DISC1: variants seen among roughly 807,000 people sequenced by gnomAD.
The protein encoded by DISC1 is DISC1 scaffold protein.
A neutral mutation model predicts 84.5 loss-of-function variants in DISC1; 57 were observed. The ratio of observed to expected loss-of-function variants is 0.67; its 90% CI spans 0.55 to 0.84. The LOEUF is 0.84. Ranked by LOEUF, DISC1 falls within the 40% of genes least tolerant of loss-of-function variation. The pLI, the probability that DISC1 is intolerant of heterozygous loss-of-function variation, is 0.00. For synonymous variants in DISC1, 411 were observed against 415.2 expected (o/e 0.99, Z 0.12); for missense variants, 1,000 against 1,057.8 (o/e 0.95, Z 0.76).
At chr1:231,785,110 A>G (rs1349861635) in intron 6 of DISC1, among the ~76,000 whole-genome samples, 1 of 152,120 alleles carries the variant, frequency 6.6e-6, no homozygotes, top group Non-Finnish European at 1.5e-5. Flanking sequence ...GTAGATAAAC[A>G]TGAATTTCCT....
chr1:231,643,531 G>T (rs953368203), intron 1 of DISC1, among the ~76,000 whole-genome samples: 3 of 152,176 alleles, frequency 2.0e-5, no homozygotes, highest in Admixed American at 1.3e-4. Flanking sequence ...ACTGTTAAGA[G>T]AATTGACTGC....
chr1:231,772,746 A>G (rs552570251), intron 6 of DISC1, among the ~76,000 whole-genome samples: 1 of 152,302 alleles, frequency 6.6e-6, no homozygotes, highest in Non-Finnish European at 1.5e-5. Flanking sequence ...GTATTTAGTG[A>G]ACGACTGTTC....
chr1:231,646,536 C>T (rs1268334510), intron 1 of DISC1, among the ~76,000 whole-genome samples: 1 of 152,100 alleles, frequency 6.6e-6, no homozygotes, highest in Admixed American at 6.6e-5. Context: ...TTTGCTATTG[C>T]CCCAATTCTA....
At chr1:231,728,241 G>A (rs1053091514) in intron 3 of DISC1, among the ~76,000 whole-genome samples, 4 of 152,146 alleles carry the variant, frequency 2.6e-5, no homozygotes, top group East Asian at 1.9e-4. Flanking sequence ...CTAGCTTAAA[G>A]CATTATAAAG....
At chr1:231,654,985 T>G (rs753613667) in intron 1 of DISC1, among the ~76,000 whole-genome samples, 4 of 152,224 alleles carry the variant, frequency 2.6e-5, no homozygotes, top group Non-Finnish European at 4.4e-5. Flanking sequence ...CAATCTTGTT[T>G]CTTACTCCTC....
intron 9 of DISC1, chr1:231,819,355 A>T (rs966163053): frequency 5.3e-6 from 1 of 188,074 alleles, no homozygotes; most frequent in Non-Finnish European, 1.0e-5. Flanking sequence ...GAAGAGTAGT[A>T]TTTATAAGCT....
chr1:231,980,601 T>C (rs1663451627), intron 10 of DISC1, among the ~76,000 whole-genome samples: 2 of 152,222 alleles, frequency 1.3e-5, no homozygotes, highest in African/African-American at 4.8e-5. Flanking sequence ...ATTATAAACA[T>C]GGTTTTAATA....
intron 9 of DISC1, among the ~76,000 whole-genome samples, chr1:231,949,774 G>A (rs1657987563): frequency 6.6e-6 from 1 of 152,128 alleles, no homozygotes; most frequent in Non-Finnish European, 1.5e-5. Context: ...AGTTGCATAT[G>A]AAAAGCCTCT....
intron 3 of DISC1, among the ~76,000 whole-genome samples, chr1:231,727,445 CAG>C (rs1306468768): frequency 5.3e-5 from 8 of 152,186 alleles, no homozygotes; most frequent in African/African-American, 1.9e-4. Context: ...GAGTTTAGGA[CAG>C]GGGGCAGGGA....
At chr1:231,798,638 A>T (rs1558563515) in intron 7 of DISC1, among the ~76,000 whole-genome samples, 1 of 152,144 alleles carries the variant, frequency 6.6e-6, no homozygotes, top group Non-Finnish European at 1.5e-5. Flanking sequence ...GGGGGAAGGG[A>T]TATCTTCCTT....
chr1:231,660,388 G>A (rs115706651), intron 1 of DISC1, among the ~76,000 whole-genome samples: 2,467 of 152,102 alleles, frequency 0.016, 71 homozygotes, highest in African/African-American at 0.056. Flanking sequence ...TGGGTCTCTT[G>A]AAGACAGCAC....
chr1:231,646,577 A>G (rs2060154509), intron 1 of DISC1, among the ~76,000 whole-genome samples: 1 of 151,066 alleles, frequency 6.6e-6, no homozygotes, highest in Non-Finnish European at 1.5e-5. Flanking sequence ...TCGCTGGGTC[A>G]AATGGGATCA....
intron 9 of DISC1, among the ~76,000 whole-genome samples, chr1:231,850,758 G>A (rs112269273): frequency 6.6e-6 from 1 of 152,180 alleles, no homozygotes; most frequent in Non-Finnish European, 1.5e-5. Flanking sequence ...GTAAAGTGGG[G>A]CACTTCTATT....
intron 12 of DISC1, among the ~76,000 whole-genome samples, chr1:232,029,459 T>C (rs1299494350): frequency 6.6e-6 from 1 of 152,246 alleles, no homozygotes; most frequent in Admixed American, 6.5e-5. Context: ...TCAGAGAGGC[T>C]GCCAGAATCC....
rs181226584 is a variant in DISC1 at position 231,818,723 on chromosome 1, T to C, written c.1981+206T>C. 6.2e-5 allele frequency: 88 copies of C among 1,415,028 alleles called. 1 individual carries two copies. In the East Asian group the frequency reaches 1.6e-3, roughly 26 times the overall value. 87.7% of individuals were successfully genotyped at this position (1,415,028 alleles called of 1,614,324 possible). ...CAGCTTTTGTTTTCATATTCACATGTGACATCTTTTCTTTTTCTGTTCCCT... is the reference window on the plus strand; with the variant it reads ...CAGCTTTTGTTTTCATATTCACATGCGACATCTTTTCTTTTTCTGTTCCCT... On this transcript the variant is annotated intron_variant, in intron 9 of 12. Transcript: ENST00000439617.
At chr1:232,011,052 A>T (rs985068604) in intron 11 of DISC1, among the ~76,000 whole-genome samples, 1 of 150,922 alleles carries the variant, frequency 6.6e-6, no homozygotes, top group African/African-American at 2.4e-5. Flanking sequence ...GAACCCCATC[A>T]CTCTCTCCCT....
In DISC1 at chr1:232,011,285, T is replaced by C. The variant is rs145892474; in HGVS notation, c.2307+2236T>C. Among the ~76,000 whole-genome samples, 506 of 152,286 alleles carry C rather than the reference T, an allele frequency of 3.3e-3. 2 individuals are homozygous for C. Among genetic ancestry groups the C allele is most frequent in the African/African-American group, 0.012 (479 of 41,568 alleles). On this transcript the variant is annotated intron_variant, in intron 11 of 12. Transcript: ENST00000439617. ...GAGTGGAGCCTTATCCTAGGTCCTGTGGTGGCTGCTGTTTGGGTGCTCCAG... is the reference window on the plus strand; with the variant it reads ...GAGTGGAGCCTTATCCTAGGTCCTGCGGTGGCTGCTGTTTGGGTGCTCCAG...
rs1029866346 is a variant in DISC1 at position 231,737,095 on chromosome 1, A to G, written c.1118-12831A>G. Among the ~76,000 whole-genome samples the G allele has an allele frequency of 2.6e-5, 4 of 152,264 alleles. No individual in the cohort carries two copies. In the South Asian group the frequency reaches 8.3e-4, roughly 31 times the overall value. On this transcript the variant is annotated intron_variant, in intron 3 of 12. Coordinates refer to ENST00000439617, the MANE Select transcript of DISC1 (RefSeq NM_018662.3). Reference sequence around the variant, plus strand: ...GATGAGCATTGACCTTCAATTAAACATTAGCAAATATGTTGCAGTAGCATA... The same window carrying G: ...GATGAGCATTGACCTTCAATTAAACGTTAGCAAATATGTTGCAGTAGCATA...
chr1:231,787,150 A>G (rs2077939146), intron 6 of DISC1, among the ~76,000 whole-genome samples: 1 of 152,216 alleles, frequency 6.6e-6, no homozygotes, highest in South Asian at 2.1e-4. Context: ...TGGAGAAACC[A>G]AGTAAATAGT....
Sources: allele counts gnomAD v4.1 joint callset (sites outside exome capture counted in the v4.1 genomes callset), GRCh38; gene constraint gnomAD v4.1.1; transcripts MANE v1.5; gene names NCBI Gene and HGNC (gene_info 2026-07-23, HGNC 2026-07-21).